Variants in CACTIN observed in about 807,000 individuals in gnomAD.
CACTIN encodes the protein cactin, spliceosome C complex subunit, also known as splicing factor Cactin.
In CACTIN, 20 loss-of-function variants were observed where a neutral mutation model predicts 84.9. That is an observed-to-expected ratio of 0.24 (90% CI 0.17 to 0.34). The LOEUF (loss-of-function observed/expected upper bound fraction) is 0.34. Ranked by LOEUF, CACTIN falls within the 10% of genes least tolerant of loss-of-function variation. The pLI is 1.00. For missense variants in CACTIN, 897 were observed against 1,117.2 expected (o/e 0.80, Z 2.81); for synonymous variants, 549 against 467.9 (o/e 1.17, Z -2.24).
chr19:3,626,471 C>A (rs2033335690), intron 1 of CACTIN, 125 bp downstream of exon 1: 13 of 1,067,716 alleles, frequency 1.2e-5, no homozygotes, highest in African/African-American at 1.7e-5. Context: ...TCAATTGTCC[C>A]CTTCTCTAGG....
Position 3,611,650 on chromosome 19 carries a change from G to A in CACTIN, c.*273C>T, listed in dbSNP as rs536667945. The A allele has an allele frequency of 6.2e-5, 30 of 487,540 alleles. No individual in the cohort carries two copies. Among genetic ancestry groups the A allele is most frequent in the Non-Finnish European group, 1.1e-4 (28 of 264,652 alleles). The allele number at this position is 487,540 out of a possible 1,614,324, so 30.2% of individuals were successfully genotyped here. Reference sequence around the variant, plus strand: ...CAGCTGGCGGCTGCTGGCCACCCTCGTGCTCGAAAGATGCCCCTAGCGCCC... The same window carrying A: ...CAGCTGGCGGCTGCTGGCCACCCTCATGCTCGAAAGATGCCCCTAGCGCCC... On this transcript the variant is annotated 3_prime_UTR_variant, in exon 10 of 10. Transcript: ENST00000429344.
At chr19:3,614,017 G>A in intron 7 of CACTIN, 1 of 452,824 alleles carries the variant, frequency 2.2e-6, no homozygotes, top group Non-Finnish European at 4.1e-6. Context: ...AGCAGCGCTG[G>A]GAGGGCGCAG....
At chr19:3,621,831 C>T (rs986072921) in intron 2 of CACTIN, among the ~76,000 whole-genome samples, 2 of 152,132 alleles carry the variant, frequency 1.3e-5, no homozygotes, top group East Asian at 1.9e-4. Flanking sequence ...CAGGCAGGGG[C>T]GCGGCAGTGT....
rs745605277 is a variant in CACTIN, at chr19:3,624,096, C to T, written c.234G>A (p.Lys78=). 1 of 1,593,456 alleles carries T rather than the reference C, an allele frequency of 6.3e-7. No individual in the cohort carries two copies. The change falls in exon 2 of 10, where the codon AAG becomes AAA. Residue 78 remains lysine (K), a synonymous_variant. Transcript: ENST00000429344. ...GAGAGGACCCATCTCTTGAGTGCCA[C>T]TTGGGCCGCGGGGGGCTCCGGCTTC... The part of the protein sequence containing the change: ...GMRSRSPPRP[K]WHSRDGSSQS...
At chr19:3,625,030 ACAGG>A (rs1398278892) in intron 1 of CACTIN, among the ~76,000 whole-genome samples, 3 of 152,138 alleles carry the variant, frequency 2.0e-5, no homozygotes, top group Non-Finnish European at 4.4e-5. Flanking sequence ...AGCGGGGACT[ACAGG>A]CACACACCAC....
intron 6 of CACTIN, among the ~76,000 whole-genome samples, chr19:3,617,075 C>G (rs889804297): frequency 6.6e-6 from 1 of 152,062 alleles, no homozygotes; most frequent in Non-Finnish European, 1.5e-5. Context: ...GAGCAGAGAT[C>G]GCACCACTGC....
At chr19:3,614,328 G>A in intron 7 of CACTIN, 69 bp downstream of exon 7, 1 of 1,467,474 alleles carries the variant, frequency 6.8e-7, no homozygotes, top group Non-Finnish European at 9.3e-7. Context: ...CCCCACCCAG[G>A]ACTCAGGAGG....
Position 3,612,340 on chromosome 19 carries a change from C to T in CACTIN, c.1860G>A (p.Gln620=). 6.2e-7 allele frequency: 1 copy of T among 1,611,736 alleles called. No individual in the cohort carries two copies. Among genetic ancestry groups the T allele is most frequent in the Non-Finnish European group, 8.5e-7 (1 of 1,179,818 alleles). Residue 620 remains glutamine (Q), a synonymous_variant, in exon 10 of 10, where the codon CAG becomes CAA. Coordinates refer to ENST00000429344, the MANE Select transcript of CACTIN (RefSeq NM_001080543.2). ...AKEGMGQDEA[Q]FSVEMPLTGK... ...CGGTGAGTGGCATCTCCACGCTGAA[C>T]TGCGCCTCGTCCTGGCCCATGCCCT...
At chr19:3,613,695 G>A (rs1194083691) in intron 7 of CACTIN, 109 bp from the exon 8 acceptor site, 27 of 1,441,578 alleles carry the variant, frequency 1.9e-5, no homozygotes, top group East Asian at 2.5e-5. Flanking sequence ...AGAAGGTGGC[G>A]AGCAGCCACG....
At chr19:3,614,731 C>T (rs1468255417) in intron 6 of CACTIN, 142 bp from the exon 7 acceptor site, 2 of 688,638 alleles carry the variant, frequency 2.9e-6, no homozygotes, top group East Asian at 2.7e-5. Context: ...CCCGCCACCT[C>T]CCTGGTCTCA....
chr19:3,620,447 G>A (rs771530689), intron 3 of CACTIN, 175 bp from the exon 4 acceptor site: 41 of 805,740 alleles, frequency 5.1e-5, no homozygotes, highest in South Asian at 1.3e-4. Context: ...CCTCCTGCCC[G>A]AGACTCAGCA....
Position 3,613,574 on chromosome 19 carries a change from G to C in CACTIN, c.1368C>G (p.Arg456=). The change falls in exon 8 of 10, where the codon CGC becomes CGG. Residue 456 remains arginine (R), a synonymous_variant. Transcript: ENST00000429344. ...AHMARARLRE[R]HQDVLRQKLY... ...GCTTCTGCCGCAGCACGTCCTGGTG[G>C]CGCTCACGCAGCCTGGGACGCAGAG... 6.2e-7 allele frequency: 1 copy of C among 1,601,314 alleles called. No individual in the cohort carries two copies. Among genetic ancestry groups the C allele is most frequent in the Non-Finnish European group, 8.5e-7 (1 of 1,178,718 alleles).
chr19:3,613,744 G>A (rs1264510893), intron 7 of CACTIN, 158 bp from the exon 8 acceptor site: 1 of 1,050,906 alleles, frequency 9.5e-7, no homozygotes, highest in African/African-American at 1.6e-5. Flanking sequence ...GGTCAGTTCA[G>A]GGTCAAGGCT....
chr19:3,612,809 C>T (rs1282676938), intron 9 of CACTIN: 6 of 706,940 alleles, frequency 8.5e-6, no homozygotes, highest in African/African-American at 3.5e-5. Context: ...AGGGAGTGCT[C>T]GGACAGCGGC....
At position 3,626,290 on chromosome 19, in the gene CACTIN, G is replaced by A. The variant is rs188739765; in HGVS notation, c.167+306C>T. ...ACTCTCCATTTCCCTCCGACTAATA[G>A]CCAAGATCTAATGTGCTGAGCACAC... On this transcript the variant is annotated intron_variant, in intron 1 of 9. Transcript: ENST00000429344. 4.3e-4 allele frequency among the ~76,000 whole-genome samples: 66 copies of A among 152,300 alleles called. No homozygotes were observed. In the East Asian group the frequency reaches 0.012, roughly 28 times the overall value.
Position 3,614,500 on chromosome 19 carries a change from A to C in CACTIN, c.1252T>G (p.Phe418Val). Residue 418 changes from phenylalanine to valine, a missense_variant, in exon 7 of 10, where the codon TTC becomes GTC. Coordinates refer to ENST00000429344, the MANE Select transcript of CACTIN (RefSeq NM_001080543.2). ...CGGATTTTGCCCTCGATGCCCTGGA[A>C]GATGACCTGCAGCTGGTTGTATGTC... Reference protein sequence around the residue: ...GKTYNQLQVIFQGIEGKIRAG... With the variant: ...GKTYNQLQVIVQGIEGKIRAG... The C allele has an allele frequency of 1.2e-6, 2 of 1,606,320 alleles. No individual in the cohort carries two copies. The highest frequency in any genetic ancestry group is 1.7e-6 in the Non-Finnish European group (2 of 1,176,496).
chr19:3,616,311 G>T (rs945110460), intron 6 of CACTIN: 1 of 152,258 alleles, frequency 6.6e-6, no homozygotes, highest in African/African-American at 2.4e-5. Context: ...CACCACTAAA[G>T]AACTTATTCA....
chr19:3,617,920 A>C (rs1027251371), intron 6 of CACTIN, among the ~76,000 whole-genome samples: 1 of 152,196 alleles, frequency 6.6e-6, no homozygotes, highest in Non-Finnish European at 1.5e-5. Context: ...GCTCCACTGA[A>C]AAAGAGGAAA....
rs561226073 is a variant in CACTIN, at chr19:3,612,532, C to T, written c.1787-119G>A. On this transcript the variant is annotated intron_variant, in intron 9 of 9. Coordinates refer to ENST00000429344, the MANE Select transcript of CACTIN (RefSeq NM_001080543.2). ...CCCGCAAAAGGAAAACAGGCTGGGG[C>T]GAGCTAAGGCACATGGGGAGGGGAC... is the stretch of plus-strand genomic sequence containing the variant. 8.6e-6 allele frequency: 12 copies of T among 1,390,942 alleles called. No individual in the cohort carries two copies. In the South Asian group the frequency reaches 1.3e-4, roughly 15 times the overall value. 86.2% of individuals were successfully genotyped at this position (1,390,942 alleles called of 1,614,324 possible).
Sources: allele counts gnomAD v4.1 joint callset (sites outside exome capture counted in the v4.1 genomes callset), GRCh38; gene constraint gnomAD v4.1.1; transcripts MANE v1.5; gene names NCBI Gene and HGNC (gene_info 2026-07-23, HGNC 2026-07-21).